The following GRM1 variants were observed in gnomAD, a reference collection of about 807,000 sequenced individuals.
The protein encoded by GRM1 is glutamate metabotropic receptor 1.
In GRM1, 33 loss-of-function variants were observed where a neutral mutation model predicts 90.9. The observed-to-expected ratio is 0.36, with a 90% CI of 0.28 to 0.49. GRM1 has a LOEUF of 0.49. Among genes scored for constraint, GRM1 ranks in the 20% least tolerant of loss-of-function variants. The pLI, the probability that GRM1 is intolerant of heterozygous loss-of-function variation, is 0.99. For missense variants in GRM1, 1,190 were observed against 1,534.3 expected (o/e 0.78, Z 3.75); for synonymous variants, 700 against 613.2 (o/e 1.14, Z -2.09).
intron 1 of GRM1, among the ~76,000 whole-genome samples, chr6:146,076,142 G>A (rs1776178844): frequency 6.6e-6 from 1 of 152,142 alleles, no homozygotes; most frequent in Non-Finnish European, 1.5e-5. Flanking sequence ...TGACTGGTGT[G>A]TTTGAAAAAC....
chr6:146,376,382 G>A (rs1424069861), intron 5 of GRM1, among the ~76,000 whole-genome samples: 1 of 151,960 alleles, frequency 6.6e-6, no homozygotes, highest in African/African-American at 2.4e-5. Context: ...GTACCTTGAG[G>A]TGATTATTTA....
chr6:146,362,828 T>C (rs759470872), intron 5 of GRM1, among the ~76,000 whole-genome samples: 9 of 152,224 alleles, frequency 5.9e-5, no homozygotes, highest in East Asian at 3.9e-4. Context: ...TAGCTTCTTA[T>C]ATGACTGATT....
chr6:146,283,082 C>G (rs1782633722), intron 2 of GRM1, among the ~76,000 whole-genome samples: 2 of 152,184 alleles, frequency 1.3e-5, no homozygotes, highest in Non-Finnish European at 2.9e-5. Flanking sequence ...AGATGCTGCT[C>G]TCTCAGCCCC....
chr6:146,041,453 G>A (rs1487192545), intron 1 of GRM1, among the ~76,000 whole-genome samples: 1 of 151,960 alleles, frequency 6.6e-6, no homozygotes, highest in Admixed American at 6.6e-5. Context: ...CTAGACAGCT[G>A]CCTTTATTTT....
intron 1 of GRM1, among the ~76,000 whole-genome samples, chr6:146,088,663 A>C (rs1389588978): frequency 6.6e-6 from 1 of 152,120 alleles, no homozygotes; most frequent in Non-Finnish European, 1.5e-5. Flanking sequence ...ATGATCTAAA[A>C]ATTTAAACTG....
chr6:146,146,539 TG>T (rs981662788), intron 1 of GRM1, among the ~76,000 whole-genome samples: 8 of 152,182 alleles, frequency 5.3e-5, no homozygotes, highest in African/African-American at 1.9e-4. Context: ...ACATGAGTTT[TG>T]GGGACCGTGG....
intron 2 of GRM1, among the ~76,000 whole-genome samples, chr6:146,178,535 T>C (rs183057224): frequency 1.1e-3 from 170 of 152,336 alleles, no homozygotes; most frequent in African/African-American, 3.9e-3. Context: ...TTTCATACAA[T>C]ATTTTTAATA....
intron 1 of GRM1, among the ~76,000 whole-genome samples, chr6:146,098,121 C>T (rs1472670721): frequency 5.9e-5 from 9 of 152,248 alleles, no homozygotes; most frequent in Non-Finnish European, 1.2e-4. Context: ...ATTATTTTAG[C>T]TGATTTGACA....
At chr6:146,373,575 A>T (rs1173311184) in intron 5 of GRM1, among the ~76,000 whole-genome samples, 1 of 152,072 alleles carries the variant, frequency 6.6e-6, no homozygotes, top group Non-Finnish European at 1.5e-5. Flanking sequence ...TTGATATGAG[A>T]TTTGGGGATG....
intron 7 of GRM1, among the ~76,000 whole-genome samples, chr6:146,411,867 T>C (rs1393623450): frequency 1.3e-5 from 2 of 152,028 alleles, no homozygotes; most frequent in African/African-American, 4.8e-5. Flanking sequence ...TGTATAAACA[T>C]ACTAAAACAT....
At chr6:146,340,833 C>A (rs535248311) in intron 3 of GRM1, among the ~76,000 whole-genome samples, 2 of 152,264 alleles carry the variant, frequency 1.3e-5, no homozygotes, top group Non-Finnish European at 2.9e-5. Context: ...CGTGAGCCAC[C>A]GCGCCCTGCC....
chr6:146,385,612 A>G (rs1207835034), intron 5 of GRM1, among the ~76,000 whole-genome samples: 1 of 152,022 alleles, frequency 6.6e-6, no homozygotes, highest in Non-Finnish European at 1.5e-5. Context: ...GTGGACCTAA[A>G]CAAAGTAATT....
At chr6:146,324,129 C>A (rs149600743) in intron 3 of GRM1, among the ~76,000 whole-genome samples, 1 of 152,174 alleles carries the variant, frequency 6.6e-6, no homozygotes, top group Non-Finnish European at 1.5e-5. Context: ...CTGGCTACAG[C>A]GGCTTTGCGG....
chr6:146,049,123 A>G (rs1001935706), intron 1 of GRM1, among the ~76,000 whole-genome samples: 2 of 151,488 alleles, frequency 1.3e-5, no homozygotes, highest in African/African-American at 4.8e-5. Context: ...CTTAACTTTT[A>G]CCCTCCCCCT....
intron 1 of GRM1, among the ~76,000 whole-genome samples, chr6:146,137,470 T>C (rs1776667584): frequency 6.6e-6 from 1 of 152,224 alleles, no homozygotes. Context: ...AATAAGTTTA[T>C]TGTAGATATA....
At chr6:146,066,264 T>A (rs1164313020) in intron 1 of GRM1, among the ~76,000 whole-genome samples, 5 of 152,112 alleles carry the variant, frequency 3.3e-5, no homozygotes, top group Non-Finnish European at 5.9e-5. Context: ...TTATTCCCAT[T>A]TTTGTGACTA....
chr6:146,335,325 A>G (rs1176735219), intron 3 of GRM1, among the ~76,000 whole-genome samples: 1 of 152,148 alleles, frequency 6.6e-6, no homozygotes. Flanking sequence ...GTCTCTCTAC[A>G]TAGACTGAAA....
intron 2 of GRM1, among the ~76,000 whole-genome samples, chr6:146,175,769 C>T (rs1354594839): frequency 6.6e-6 from 1 of 151,934 alleles, no homozygotes; most frequent in Non-Finnish European, 1.5e-5. Context: ...GATGTATATG[C>T]TATACCTTAC....
intron 2 of GRM1, among the ~76,000 whole-genome samples, chr6:146,164,941 T>A (rs9497464): frequency 5.2e-4 from 79 of 152,090 alleles, no homozygotes; most frequent in Non-Finnish European, 7.7e-4. Flanking sequence ...TTTTTTTTTT[T>A]ACAGTTCTTG....
Sources: gnomAD v4.1 joint callset for allele counts (sites outside exome capture counted in the v4.1 genomes callset) on GRCh38, gnomAD v4.1.1 for gene constraint, MANE v1.5 for transcripts, NCBI Gene and HGNC (gene_info 2026-07-23, HGNC 2026-07-21) for gene names.